Variants in NRXN3 observed in about 807,000 individuals in gnomAD.
NRXN3 encodes neurexin III.
A neutral mutation model predicts 137.6 loss-of-function variants in NRXN3; 32 were observed. That is an observed-to-expected ratio of 0.23 (90% CI 0.18 to 0.31). The LOEUF is 0.31. Among genes scored for constraint, NRXN3 ranks in the 10% least tolerant of loss-of-function variants. NRXN3 has a pLI of 1.00. For missense variants in NRXN3, 1,574 were observed against 2,062.5 expected (o/e 0.76, Z 4.59); for synonymous variants, 798 against 784.5 (o/e 1.02, Z -0.29).
chr14:78,514,216 T>G lies in NRXN3; in HGVS notation c.758-130904T>G, dbSNP rs113095554. 8.2e-4 allele frequency among the ~76,000 whole-genome samples: 125 copies of G among 152,206 alleles called. 1 individual carries two copies. Among genetic ancestry groups the G allele is most frequent in the African/African-American group, 2.9e-3 (119 of 41,538 alleles). On this transcript the variant is annotated intron_variant, in intron 4 of 20. Transcript: ENST00000335750. ...CCGCAATGAAAGAGATGTCACAGAGTTGTATATAGTATAACATTAACTAAT... is the reference window on the plus strand; with the variant it reads ...CCGCAATGAAAGAGATGTCACAGAGGTGTATATAGTATAACATTAACTAAT...
intron 4 of NRXN3, among the ~76,000 whole-genome samples, chr14:78,364,668 C>T (rs567230394): frequency 2.0e-5 from 3 of 152,156 alleles, no homozygotes; most frequent in South Asian, 4.1e-4. Flanking sequence ...AACTGGCACT[C>T]GTCACGTTTT....
At chr14:78,755,113 G>T (rs1322873354) in intron 8 of NRXN3, among the ~76,000 whole-genome samples, 1 of 151,906 alleles carries the variant, frequency 6.6e-6, no homozygotes, top group Admixed American at 6.6e-5. Flanking sequence ...TGTCACCCCC[G>T]GGCTAAATTC....
At chr14:79,129,261 T>G (rs963314004) in intron 15 of NRXN3, among the ~76,000 whole-genome samples, 20 of 149,926 alleles carry the variant, frequency 1.3e-4, no homozygotes, top group Non-Finnish European at 4.4e-5. Flanking sequence ...TTCTTTTAAT[T>G]GTGATGTTAG....
chr14:79,360,126 A>G (rs1157594039), intron 15 of NRXN3, among the ~76,000 whole-genome samples: 1 of 152,244 alleles, frequency 6.6e-6, no homozygotes, highest in African/African-American at 2.4e-5. Context: ...TCAAGGTGGT[A>G]TATTAAATAT....
intron 8 of NRXN3, among the ~76,000 whole-genome samples, chr14:78,734,976 C>T (rs1031128812): frequency 1.3e-5 from 2 of 152,020 alleles, no homozygotes; most frequent in African/African-American, 4.8e-5. Context: ...ACCAGATTTG[C>T]TTTTTTAAAG....
At chr14:79,507,354 A>G (rs779346362) in intron 16 of NRXN3, among the ~76,000 whole-genome samples, 7 of 152,252 alleles carry the variant, frequency 4.6e-5, no homozygotes, top group Non-Finnish European at 1.0e-4. Context: ...TGAAAGGTAC[A>G]TAGGAACTCT....
At chr14:78,463,057 T>C (rs900412726) in intron 4 of NRXN3, among the ~76,000 whole-genome samples, 2 of 152,206 alleles carry the variant, frequency 1.3e-5, no homozygotes, top group African/African-American at 4.8e-5. Flanking sequence ...CACCCACGTG[T>C]ACTCATTGTT....
At chr14:79,360,962 A>G (rs1222682771) in intron 15 of NRXN3, among the ~76,000 whole-genome samples, 9 of 152,236 alleles carry the variant, frequency 5.9e-5, no homozygotes, top group Non-Finnish European at 1.2e-4. Context: ...ATTGTAGAAT[A>G]TAGAAAAGAA....
chr14:78,344,516 C>A (rs921608590), intron 4 of NRXN3, among the ~76,000 whole-genome samples: 3 of 152,204 alleles, frequency 2.0e-5, no homozygotes, highest in Non-Finnish European at 4.4e-5. Flanking sequence ...AGCAGGCATC[C>A]TCCCTTCCTC....
intron 3 of NRXN3, among the ~76,000 whole-genome samples, chr14:78,296,723 T>C (rs1413031275): frequency 1.3e-5 from 2 of 152,236 alleles, no homozygotes; most frequent in African/African-American, 2.4e-5. Context: ...TAATATATCA[T>C]TGATCTTTTA....
chr14:79,203,771 T>G (rs893355855), intron 15 of NRXN3, among the ~76,000 whole-genome samples: 1 of 152,200 alleles, frequency 6.6e-6, no homozygotes, highest in Non-Finnish European at 1.5e-5. Context: ...TAAGGCTAGT[T>G]GTATGGATTA....
intron 15 of NRXN3, among the ~76,000 whole-genome samples, chr14:79,045,693 A>T (rs1345694797): frequency 6.6e-6 from 1 of 152,236 alleles, no homozygotes; most frequent in Non-Finnish European, 1.5e-5. Flanking sequence ...TGAAGGTGCC[A>T]CCTGAATGAT....
chr14:78,937,599 AT>A (rs1319296198), intron 10 of NRXN3, among the ~76,000 whole-genome samples: 1 of 152,212 alleles, frequency 6.6e-6, no homozygotes, highest in East Asian at 1.9e-4. Flanking sequence ...TCAAAATCAT[AT>A]TTTTTAAAAA....
At chr14:78,301,329 G>A (rs890550605) in intron 4 of NRXN3, among the ~76,000 whole-genome samples, 3 of 152,190 alleles carry the variant, frequency 2.0e-5, no homozygotes, top group Admixed American at 6.5e-5. Flanking sequence ...AAGAGATAAC[G>A]TAGGATTTTA....
chr14:79,402,146 G>T (rs2095217382), intron 15 of NRXN3, among the ~76,000 whole-genome samples: 1 of 151,892 alleles, frequency 6.6e-6, no homozygotes. Flanking sequence ...TGTTGCTCAG[G>T]CTGGCCTAGA....
rs571757635 is a variant in NRXN3, at chr14:78,282,091, G to A, written c.727+3429G>A. Reference sequence around the variant, plus strand: ...AGGAGTGCAAACTGAGGCCCAAGAAGGGAAAGGACCTATCCAAGGCCATGT... The same window carrying A: ...AGGAGTGCAAACTGAGGCCCAAGAAAGGAAAGGACCTATCCAAGGCCATGT... On this transcript the variant is annotated intron_variant, in intron 3 of 20. Coordinates refer to ENST00000335750, the MANE Select transcript of NRXN3 (RefSeq NM_001330195.2). 4.1e-4 allele frequency: 199 copies of A among 488,464 alleles called. 4 individuals are homozygous for A. Among genetic ancestry groups the A allele is most frequent in the South Asian group, 2.8e-3 (192 of 67,378 alleles). 30.3% of individuals were successfully genotyped at this position (488,464 alleles called of 1,614,324 possible).
At chr14:78,886,161 G>A (rs1290631596) in intron 10 of NRXN3, among the ~76,000 whole-genome samples, 1 of 152,112 alleles carries the variant, frequency 6.6e-6, no homozygotes, top group Admixed American at 6.6e-5. Flanking sequence ...CAGTCCTGTG[G>A]AAAAGGAGCA....
intron 10 of NRXN3, among the ~76,000 whole-genome samples, chr14:78,877,984 T>C (rs2099117809): frequency 6.6e-6 from 1 of 152,200 alleles, no homozygotes; most frequent in Admixed American, 6.5e-5. Flanking sequence ...TTTAGAACTT[T>C]CTTTATTAAA....
chr14:79,864,820 C>G lies in NRXN3; in HGVS notation c.*2856C>G, dbSNP rs1343631263. The G allele has an allele frequency of 6.6e-6, 1 of 151,880 alleles. No individual in the cohort carries two copies. Among genetic ancestry groups the G allele is most frequent in the African/African-American group, 2.4e-5 (1 of 41,342 alleles). 9.4% of individuals were successfully genotyped at this position (151,880 alleles called of 1,614,324 possible). On this transcript the variant is annotated 3_prime_UTR_variant, in exon 21 of 21. Coordinates refer to ENST00000335750, the MANE Select transcript of NRXN3 (RefSeq NM_001330195.2). Reference sequence around the variant, plus strand: ...GGGCTGGAGTGCAGTGGCACGATCTCGGCTCACTGCAAGCTCCGCCTCCCG... The same window carrying G: ...GGGCTGGAGTGCAGTGGCACGATCTGGGCTCACTGCAAGCTCCGCCTCCCG...
Sources: allele counts gnomAD v4.1 joint callset (sites outside exome capture counted in the v4.1 genomes callset), GRCh38; gene constraint gnomAD v4.1.1; transcripts MANE v1.5; gene names NCBI Gene and HGNC (gene_info 2026-07-23, HGNC 2026-07-21).